GRB14: variants seen among roughly 807,000 people sequenced by gnomAD.
GRB14 encodes the protein growth factor receptor-bound protein 14.
In GRB14, 38 loss-of-function variants were observed where a neutral mutation model predicts 69.1. That is an observed-to-expected ratio of 0.55 (90% CI 0.42 to 0.72). The LOEUF (loss-of-function observed/expected upper bound fraction) is 0.72, where lower values mean the gene tolerates loss of function less well. Ranked by LOEUF, GRB14 falls within the 30% of genes least tolerant of loss-of-function variation. The probability of loss-of-function intolerance (pLI) is 0.00; values close to 1 mark genes in which losing one functional copy is unlikely to be tolerated. For missense variants in GRB14, 666 were observed against 666.1 expected, an observed-to-expected ratio of 1.00 and a Z score of 0.00; for synonymous variants, 247 against 241.3, an observed-to-expected ratio of 1.02 and a Z score of -0.22.
At chr2:164,610,536 C>A (rs1690142488) in intron 2 of GRB14, among the ~76,000 whole-genome samples, 1 of 151,264 alleles carries the variant, frequency 6.6e-6, no homozygotes, top group East Asian at 1.9e-4. Flanking sequence ...AAATAATTGT[C>A]AAGAAAAAAT....
intron 2 of GRB14, among the ~76,000 whole-genome samples, chr2:164,578,390 G>A (rs1475381535): frequency 6.6e-6 from 1 of 151,726 alleles, no homozygotes; most frequent in Non-Finnish European, 1.5e-5. Flanking sequence ...CACATATTGA[G>A]TAAGTATATA....
chr2:164,494,342 A>C (rs1381042560), intron 13 of GRB14, 89 bp downstream of exon 13: 16 of 719,614 alleles, frequency 2.2e-5, no homozygotes, highest in Non-Finnish European at 3.1e-5. Flanking sequence ...AAAGAAAACC[A>C]AAGTTTCCAA....
chr2:164,588,578 T>C (rs1301817109), intron 2 of GRB14, among the ~76,000 whole-genome samples: 2 of 152,218 alleles, frequency 1.3e-5, no homozygotes, highest in Non-Finnish European at 2.9e-5. Flanking sequence ...ATATTTATGA[T>C]GTGTAACTAT....
chr2:164,608,019 T>C (rs1228626341), intron 2 of GRB14, among the ~76,000 whole-genome samples: 1 of 152,192 alleles, frequency 6.6e-6, no homozygotes, highest in Non-Finnish European at 1.5e-5. Flanking sequence ...CAAAAGCAAT[T>C]GGCCAAATCA....
chr2:164,500,160 G>A (rs1377320354), intron 9 of GRB14, among the ~76,000 whole-genome samples: 1 of 152,060 alleles, frequency 6.6e-6, no homozygotes, highest in South Asian at 2.1e-4. Context: ...ACTCCAGCCA[G>A]GGCAATATTG....
At chr2:164,495,401 TA>T (rs34281715) in intron 12 of GRB14, among the ~76,000 whole-genome samples, 54,454 of 151,834 alleles carry the variant, frequency 0.36, 10,284 homozygotes, top group East Asian at 0.61. Context: ...ATGCTTTAAG[TA>T]AAAAAAATCA....
At chr2:164,544,578 C>T (rs1688318848) in intron 3 of GRB14, among the ~76,000 whole-genome samples, 2 of 152,184 alleles carry the variant, frequency 1.3e-5, no homozygotes, top group Admixed American at 1.3e-4. Flanking sequence ...AAACTAGTCA[C>T]AAGTGGCAAT....
intron 2 of GRB14, among the ~76,000 whole-genome samples, chr2:164,581,895 T>A (rs1181481848): frequency 6.6e-6 from 1 of 152,186 alleles, no homozygotes; most frequent in African/African-American, 2.4e-5. Context: ...AGCTAAATTA[T>A]CTTTTACCAA....
intron 3 of GRB14, among the ~76,000 whole-genome samples, chr2:164,533,131 G>A (rs1687989859): frequency 6.6e-6 from 1 of 151,538 alleles, no homozygotes; most frequent in Non-Finnish European, 1.5e-5. Context: ...TAGCGCCTCT[G>A]CTGGATCTAT....
chr2:164,525,992 A>G (rs1193533278), intron 4 of GRB14, among the ~76,000 whole-genome samples: 3 of 152,158 alleles, frequency 2.0e-5, no homozygotes, highest in African/African-American at 7.2e-5. Context: ...TAAATAAAAA[A>G]TAAATAAAAA....
chr2:164,579,124 CCTTA>C (rs1236763167), intron 2 of GRB14, among the ~76,000 whole-genome samples: 1 of 151,996 alleles, frequency 6.6e-6, no homozygotes, highest in Non-Finnish European at 1.5e-5. Flanking sequence ...AATAGTAAAT[CCTTA>C]CTTAACATTG....
intron 2 of GRB14, among the ~76,000 whole-genome samples, chr2:164,616,425 C>CAAA (rs34263597): frequency 1.3e-3 from 87 of 66,626 alleles, no homozygotes; most frequent in East Asian, 2.4e-3. Context: ...GACTCCGTCT[C>CAAA]AAAAAAAAAA....
intron 4 of GRB14, among the ~76,000 whole-genome samples, chr2:164,525,485 C>T (rs1687747892): frequency 6.6e-6 from 1 of 152,018 alleles, no homozygotes; most frequent in Non-Finnish European, 1.5e-5. Flanking sequence ...GGTCATAGCC[C>T]ACAGCACAGT....
intron 8 of GRB14, among the ~76,000 whole-genome samples, chr2:164,507,660 C>T (rs937999383): frequency 9.2e-5 from 14 of 152,200 alleles, no homozygotes; most frequent in African/African-American, 1.9e-4. Flanking sequence ...CTAATGTGGA[C>T]GGGCACTTTC....
At chr2:164,528,003 A>G (rs1237391703) in intron 3 of GRB14, among the ~76,000 whole-genome samples, 1 of 152,092 alleles carries the variant, frequency 6.6e-6, no homozygotes, top group African/African-American at 2.4e-5. Context: ...ATACTACAAC[A>G]ACCCACAACA....
At position 164,497,105 on chromosome 2, in the gene GRB14, T is replaced by C. The variant is rs1686921092; in HGVS notation, c.1295-10A>G. The C allele has an allele frequency of 6.2e-7, 1 of 1,611,608 alleles. No homozygotes were observed. ...TGGGACCGGTGGATAGCTAAAGAAA[T>C]AGGATGGATGAATGCAAAGCTTTGT... On this transcript the variant is annotated splice_polypyrimidine_tract_variant and intron_variant, in intron 11 of 13. Transcript: ENST00000263915.
intron 2 of GRB14, among the ~76,000 whole-genome samples, chr2:164,587,433 T>C (rs1689564957): frequency 6.6e-6 from 1 of 152,290 alleles, no homozygotes; most frequent in South Asian, 2.1e-4. Flanking sequence ...CCTAAGGAAG[T>C]TGTCTTTCAG....
chr2:164,579,195 C>A (rs909344025), intron 2 of GRB14, among the ~76,000 whole-genome samples: 12 of 152,204 alleles, frequency 7.9e-5, no homozygotes, highest in African/African-American at 2.6e-4. Context: ...AAGATTTAAA[C>A]CAGTTTCACC....
chr2:164,543,275 T>C (rs1688284116), intron 3 of GRB14, among the ~76,000 whole-genome samples: 1 of 150,216 alleles, frequency 6.7e-6, no homozygotes, highest in African/African-American at 2.5e-5. Flanking sequence ...CACTCCAGCA[T>C]GGGAGACAGA....
Sources: allele counts gnomAD v4.1 joint callset (sites outside exome capture counted in the v4.1 genomes callset), GRCh38; gene constraint gnomAD v4.1.1; transcripts MANE v1.5; gene names NCBI Gene and HGNC (gene_info 2026-07-23, HGNC 2026-07-21).